The following CHLSN variants were observed in gnomAD, a reference collection of about 807,000 sequenced individuals.
CHLSN encodes the protein protein cholesin.
the CHLSN span, among the ~76,000 whole-genome samples, chr7:1,053,626 G>A: frequency 2.0e-5 from 3 of 152,178 alleles, no homozygotes; most frequent in South Asian, 6.2e-4. Flanking sequence ...TCGGGAGTTC[G>A]AGATCAGCCT....
At chr7:1,016,687 AG>A in the CHLSN span, among the ~76,000 whole-genome samples, 6 of 125,610 alleles carry the variant, frequency 4.8e-5, no homozygotes, top group African/African-American at 1.7e-4. Context: ...GCCAGGGCAC[AG>A]CAGCGCATGC....
the CHLSN span, among the ~76,000 whole-genome samples, chr7:1,002,271 CCCTGT>C: frequency 1.6e-5 from 1 of 62,894 alleles, no homozygotes; most frequent in African/African-American, 7.2e-5. Context: ...GTGAGTGGAG[CCCTGT>C]GGGTGAGTGG....
the CHLSN span, among the ~76,000 whole-genome samples, chr7:1,016,937 C>T: frequency 7.7e-5 from 6 of 78,166 alleles, no homozygotes; most frequent in South Asian, 4.7e-4. Flanking sequence ...CAGCAGCACA[C>T]GCCAGCACAC....
the CHLSN span, among the ~76,000 whole-genome samples, chr7:1,009,012 C>T: frequency 7.6e-6 from 1 of 131,940 alleles, no homozygotes; most frequent in Non-Finnish European, 1.6e-5. Context: ...CACACACACA[C>T]ACATACACAT....
At chr7:1,008,523 GCA>G in the CHLSN span, among the ~76,000 whole-genome samples, 2 of 152,164 alleles carry the variant, frequency 1.3e-5, no homozygotes, top group East Asian at 3.8e-4. Context: ...ACTGACCAGT[GCA>G]GAGACCCATG....
the CHLSN span, chr7:1,057,746 C>T: frequency 2.2e-5 from 17 of 775,274 alleles, no homozygotes; most frequent in Admixed American, 6.8e-5. Context: ...TGGTGCTCAG[C>T]GCCCTGGCCC....
chr7:1,116,478 G>A, the CHLSN span, among the ~76,000 whole-genome samples: 1 of 86,972 alleles, frequency 1.1e-5, no homozygotes, highest in Non-Finnish European at 2.1e-5. Context: ...TGCAGTTCTA[G>A]GACCAGCTTC....
chr7:1,022,129 A>G, the CHLSN span, among the ~76,000 whole-genome samples: 1 of 152,330 alleles, frequency 6.6e-6, no homozygotes, highest in East Asian at 1.9e-4. Flanking sequence ...GCAGACCACC[A>G]GGAGCCCCGC....
chr7:1,120,203 C>A, the CHLSN span, among the ~76,000 whole-genome samples: 1 of 152,220 alleles, frequency 6.6e-6, no homozygotes, highest in Non-Finnish European at 1.5e-5. Flanking sequence ...TATGACAAGA[C>A]AGCACTTACC....
At chr7:1,066,363 A>G in the CHLSN span, among the ~76,000 whole-genome samples, 6 of 152,198 alleles carry the variant, frequency 3.9e-5, no homozygotes, top group Non-Finnish European at 7.3e-5. Flanking sequence ...GGCCAGGCTA[A>G]TTGGGGCCCA....
the CHLSN span, chr7:1,057,576 G>T: frequency 1.3e-6 from 1 of 772,950 alleles, no homozygotes; most frequent in South Asian, 1.4e-5. Flanking sequence ...TGCCTGCCAG[G>T]ACCTGCAGCT....
the CHLSN span, chr7:1,091,911 C>T: frequency 6.2e-7 from 1 of 1,614,080 alleles, no homozygotes; most frequent in Non-Finnish European, 8.5e-7. Context: ...GCCTGTTCCT[C>T]TCGTGCCTCT....
chr7:1,018,524 T>C, the CHLSN span, among the ~76,000 whole-genome samples: 1 of 151,318 alleles, frequency 6.6e-6, no homozygotes, highest in African/African-American at 2.4e-5. Flanking sequence ...CTCTCGGAGG[T>C]CCGCACTTCC....
chr7:1,057,745 G>A, the CHLSN span: 1 of 775,604 alleles, frequency 1.3e-6, no homozygotes, highest in South Asian at 1.3e-5. Context: ...CTGGTGCTCA[G>A]CGCCCTGGCC....
chr7:996,887 A>G, the CHLSN span: 1 of 152,254 alleles, frequency 6.6e-6, no homozygotes, highest in South Asian at 2.1e-4. Context: ...GAGCGCCCCC[A>G]ATGCCATCCT....
At chr7:1,033,417 G>A in the CHLSN span, among the ~76,000 whole-genome samples, 1 of 152,120 alleles carries the variant, frequency 6.6e-6, no homozygotes, top group African/African-American at 2.4e-5. Flanking sequence ...AATTAGCCGG[G>A]TGTGGTGGGT....
chr7:1,109,072 T>C, the CHLSN span, among the ~76,000 whole-genome samples: 1 of 152,038 alleles, frequency 6.6e-6, no homozygotes, highest in South Asian at 2.1e-4. Context: ...CATTTTTCTA[T>C]TTTTTGTAGA....
chr7:1,022,069 C>T, the CHLSN span, among the ~76,000 whole-genome samples: 4 of 152,200 alleles, frequency 2.6e-5, no homozygotes, highest in Admixed American at 1.3e-4. Context: ...CTGGAGCACT[C>T]GAGGCCCCCT....
the CHLSN span, chr7:1,058,443 C>T: frequency 3.8e-6 from 3 of 780,700 alleles, no homozygotes; most frequent in Admixed American, 5.1e-5. Flanking sequence ...GCTCCAACGG[C>T]TGATGAAAAA....
Sources: gnomAD v4.1 joint callset for allele counts (sites outside exome capture counted in the v4.1 genomes callset) on GRCh38, gnomAD v4.1.1 for gene constraint, MANE v1.5 for transcripts, NCBI Gene and HGNC (gene_info 2026-07-23, HGNC 2026-07-21) for gene names.